DGKH: variants seen among roughly 807,000 people sequenced by gnomAD.
The protein encoded by DGKH is diacylglycerol kinase eta.
DGKH carries 90 observed loss-of-function variants against 159.3 expected under a neutral mutation model. The ratio of observed to expected loss-of-function variants is 0.57; its 90% CI spans 0.48 to 0.67. The LOEUF is 0.67. Among genes scored for constraint, DGKH ranks in the 30% least tolerant of loss-of-function variants. The pLI is 0.00. For synonymous variants in DGKH, 536 were observed against 553.8 expected, an observed-to-expected ratio of 0.97 and a Z score of 0.45; for missense variants, 1,181 against 1,506.1, an observed-to-expected ratio of 0.78 and a Z score of 3.57.
chr13:42,143,664 T>C (rs1955636053), intron 3 of DGKH, among the ~76,000 whole-genome samples: 1 of 152,222 alleles, frequency 6.6e-6, no homozygotes, highest in African/African-American at 2.4e-5. Context: ...CCATTTCTTC[T>C]AGATTTTCTA....
intron 12 of DGKH, among the ~76,000 whole-genome samples, chr13:42,176,739 C>G (rs1421051732): frequency 6.6e-6 from 1 of 152,048 alleles, no homozygotes; most frequent in Non-Finnish European, 1.5e-5. Flanking sequence ...GAAAAGATAC[C>G]TGAGTCAGGC....
At chr13:42,132,633 G>A (rs1162512973) in intron 3 of DGKH, among the ~76,000 whole-genome samples, 1 of 152,180 alleles carries the variant, frequency 6.6e-6, no homozygotes, top group Non-Finnish European at 1.5e-5. Flanking sequence ...CAGGCACAGT[G>A]GCTCACACCT....
At position 42,067,340 on chromosome 13, in the gene DGKH, A is replaced by G. The variant is rs546295697; in HGVS notation, c.192+18375A>G. Among the ~76,000 whole-genome samples the G allele has an allele frequency of 2.0e-5, 3 of 152,338 alleles. No homozygotes were observed. In the South Asian group the frequency reaches 6.2e-4, roughly 32 times the overall value. On this transcript the variant is annotated intron_variant, in intron 1 of 29. Transcript: ENST00000337343. ...TCAAATGAGAATAGTATATCAAATC[A>G]GAATAGTATACCCAAAAATCTCTTC...
chr13:42,078,957 C>A (rs1431376332), intron 1 of DGKH, among the ~76,000 whole-genome samples: 1 of 138,940 alleles, frequency 7.2e-6, no homozygotes, highest in East Asian at 2.1e-4. Flanking sequence ...TCTCTGTTGC[C>A]CAGAGTGCAG....
intron 13 of DGKH, among the ~76,000 whole-genome samples, chr13:42,181,234 G>A (rs548665189): frequency 3.8e-5 from 5 of 130,806 alleles, no homozygotes; most frequent in Non-Finnish European, 6.2e-5. Context: ...CGGAGATTGC[G>A]CCACTGCACT....
intron 1 of DGKH, among the ~76,000 whole-genome samples, chr13:42,068,764 A>C (rs1477644335): frequency 6.6e-6 from 1 of 152,236 alleles, no homozygotes; most frequent in African/African-American, 2.4e-5. Context: ...TAAAATGAAA[A>C]CTATCTCACA....
chr13:42,151,133 A>G (rs1345491924), intron 3 of DGKH, among the ~76,000 whole-genome samples: 2 of 152,120 alleles, frequency 1.3e-5, no homozygotes, highest in African/African-American at 4.8e-5. Flanking sequence ...TATTTTATTC[A>G]TTTTTAAAAA....
At chr13:42,225,824 A>G (rs1958114944) in intron 29 of DGKH, among the ~76,000 whole-genome samples, 1 of 151,834 alleles carries the variant, frequency 6.6e-6, no homozygotes, top group African/African-American at 2.4e-5. Flanking sequence ...ATATGTGATA[A>G]AAATAAAGAT....
chr13:42,216,937 C>T lies in DGKH; in HGVS notation c.3213+1270C>T, dbSNP rs145851000. Among the ~76,000 whole-genome samples, 30 of 152,238 alleles carry T rather than the reference C, an allele frequency of 2.0e-4. 1 individual carries two copies. In the East Asian group the frequency reaches 5.0e-3, roughly 25 times the overall value. ...TTATTCTGTACTTATTTTCTCTACA[C>T]GAAAAGTACCTGCTGAGTGCTACCT... On this transcript the variant is annotated intron_variant, in intron 26 of 29. Coordinates refer to ENST00000337343, the MANE Select transcript of DGKH (RefSeq NM_178009.5).
intron 29 of DGKH, among the ~76,000 whole-genome samples, chr13:42,227,680 G>A (rs1403227106): frequency 2.6e-5 from 4 of 152,180 alleles, no homozygotes; most frequent in Admixed American, 2.6e-4. Flanking sequence ...ATATTTTTCT[G>A]AGTCAGTTAA....
At chr13:42,047,582 C>T (rs1251903863), upstream of DGKH, among the ~76,000 whole-genome samples, 49 of 152,224 alleles carry the variant, frequency 3.2e-4, 1 homozygote, top group Admixed American at 3.2e-3. Flanking sequence ...CTCACCGCAG[C>T]CCCCTCACAC....
intron 3 of DGKH, among the ~76,000 whole-genome samples, chr13:42,129,908 C>G (rs1299146035): frequency 6.6e-6 from 1 of 152,152 alleles, no homozygotes; most frequent in Non-Finnish European, 1.5e-5. Flanking sequence ...ATTAATACTT[C>G]AATTAATTCC....
intron 28 of DGKH, 78 bp from the exon 29 acceptor site, chr13:42,221,186 A>G: frequency 1.9e-6 from 3 of 1,565,554 alleles, no homozygotes; most frequent in South Asian, 1.2e-5. Flanking sequence ...TCTGTTTTGC[A>G]TCTTCTTTGG....
intron 1 of DGKH, among the ~76,000 whole-genome samples, chr13:42,040,757 GGGCGGC>G (rs895060894): frequency 6.7e-6 from 1 of 148,950 alleles, no homozygotes; most frequent in Non-Finnish European, 1.5e-5. Context: ...CGGGGAGCCG[GGGCGGC>G]GGCGGCGGCG....
chr13:42,220,023 A>G (rs1279185261), intron 28 of DGKH, among the ~76,000 whole-genome samples: 1 of 152,196 alleles, frequency 6.6e-6, no homozygotes, highest in Non-Finnish European at 1.5e-5. Flanking sequence ...AACACATCTG[A>G]GTATCAGTGG....
intron 1 of DGKH, among the ~76,000 whole-genome samples, chr13:42,071,969 T>C (rs943159525): frequency 8.5e-5 from 13 of 152,224 alleles, no homozygotes; most frequent in African/African-American, 2.9e-4. Flanking sequence ...GTACATTTTA[T>C]TTCCTTTTCC....
chr13:42,207,224 C>G (rs895409328), intron 21 of DGKH, among the ~76,000 whole-genome samples: 1 of 146,472 alleles, frequency 6.8e-6, no homozygotes, highest in Non-Finnish European at 1.5e-5. Context: ...GAATCTTACT[C>G]TGTCGCTCAG....
intron 29 of DGKH, among the ~76,000 whole-genome samples, chr13:42,250,221 G>A (rs753130887): frequency 6.6e-6 from 1 of 150,936 alleles, no homozygotes; most frequent in Non-Finnish European, 1.5e-5. Flanking sequence ...CACCCGCCTC[G>A]GCCTCCCAAA....
intron 30 of DGKH, among the ~76,000 whole-genome samples, chr13:42,253,258 C>T (rs1372052183): frequency 6.6e-6 from 1 of 151,938 alleles, no homozygotes; most frequent in African/African-American, 2.4e-5. Flanking sequence ...AGAATGGAGT[C>T]CTCGAATGGG....
Sources: gnomAD v4.1 joint callset for allele counts (sites outside exome capture counted in the v4.1 genomes callset) on GRCh38, gnomAD v4.1.1 for gene constraint, MANE v1.5 for transcripts, NCBI Gene and HGNC (gene_info 2026-07-23, HGNC 2026-07-21) for gene names.